Variants in AATK observed in about 807,000 individuals in gnomAD.
AATK encodes lemur tail kinase 1.
AATK carries 91 observed loss-of-function variants against 114.3 expected under a neutral mutation model. The ratio of observed to expected loss-of-function variants is 0.80; its 90% CI spans 0.67 to 0.95. The LOEUF is 0.95. AATK is among the 40% of genes least tolerant of loss of function. The probability of loss-of-function intolerance (pLI) is 0.00; values close to 1 mark genes in which losing one functional copy is unlikely to be tolerated. For synonymous variants in AATK, 1,075 were observed against 916.5 expected, an observed-to-expected ratio of 1.17 and a Z score of -3.12; for missense variants, 2,176 against 1,965.2, an observed-to-expected ratio of 1.11 and a Z score of -2.03.
intron 1 of AATK, among the ~76,000 whole-genome samples, chr17:81,143,275 G>A (rs529672829): frequency 2.0e-5 from 3 of 152,066 alleles, no homozygotes; most frequent in Non-Finnish European, 2.9e-5. Context: ...CAGCCTGTGC[G>A]GGACCCTGGA....
chr17:81,134,238 C>T, intron 2 of AATK, 130 bp downstream of exon 2: 2 of 1,299,128 alleles, frequency 1.5e-6, no homozygotes, highest in Non-Finnish European at 2.1e-6. Context: ...CCCAGGTGGC[C>T]CCACAGCAAC....
rs908673494 is a variant in AATK, at chr17:81,160,217, C to T, written c.55+5721G>A. Reference sequence around the variant, plus strand: ...GCAGTGGGAGCACAGCCCGCATCCTCCCAGAAACCCCCACGTACCAGGCTC... The same window carrying T: ...GCAGTGGGAGCACAGCCCGCATCCTTCCAGAAACCCCCACGTACCAGGCTC... On this transcript the variant is annotated intron_variant, in intron 1 of 13. Coordinates refer to ENST00000326724, the MANE Select transcript of AATK (RefSeq NM_001080395.3). The T allele has an allele frequency of 1.0e-5, 10 of 982,778 alleles. No homozygotes were observed. In the African/African-American group the frequency reaches 1.2e-4, roughly 12 times the overall value. 60.9% of individuals were successfully genotyped at this position (982,778 alleles called of 1,614,324 possible).
rs71166127 is a variant in AATK, at chr17:81,152,844, A to ATT, written c.55+13092_55+13093dup. On this transcript the variant is annotated intron_variant, in intron 1 of 13. Transcript: ENST00000326724. Reference sequence around the variant, plus strand: ...GCACCTTCAAAACCAGCCCTGCTGAATTTTTTTTTTTTTTTTGAGACCAAG... The same window carrying ATT: ...GCACCTTCAAAACCAGCCCTGCTGAATTTTTTTTTTTTTTTTTTGAGACCAAG... 2.3e-3 allele frequency among the ~76,000 whole-genome samples: 335 copies of ATT among 145,062 alleles called. 2 individuals carry two copies. The highest frequency in any genetic ancestry group is 8.5e-3 in the South Asian group (39 of 4,562).
At position 81,120,877 on chromosome 17, in the gene AATK, G is replaced by A; in HGVS notation, c.3059C>T (p.Ala1020Val). The A allele has an allele frequency of 1.3e-6, 2 of 1,579,044 alleles. No homozygotes were observed. Among genetic ancestry groups the A allele is most frequent in the Non-Finnish European group, 1.7e-6 (2 of 1,162,848 alleles). ...GPEKKCGGDR[A>V]PGPELGLPST... The stretch of plus-strand genomic sequence containing the variant: ...CGGCAGGCCCAGCTCTGGCCCGGGG[G>A]CTCGGTCCCCGCCGCACTTCTTCTC... The change falls in exon 11 of 14, where the codon GCC (alanine) becomes GTC (valine). Residue 1020 changes from alanine to valine, a missense_variant. This residue lies in a region of AATK where 1,701 missense variants were observed against 1,394.7 expected (regional missense o/e 1.22). Transcript: ENST00000326724.
intron 9 of AATK, 86 bp from the exon 10 acceptor site, chr17:81,123,429 A>G: frequency 8.2e-7 from 1 of 1,220,956 alleles, no homozygotes; most frequent in South Asian, 2.6e-5. Flanking sequence ...CGAATGGGGC[A>G]GCTCCCGCCA....
In AATK at chr17:81,119,541, G is replaced by A. The variant is rs745491826; in HGVS notation, c.3923C>T (p.Thr1308Met). 32 of 1,579,636 alleles carry A rather than the reference G, an allele frequency of 2.0e-5. No individual in the cohort carries two copies. The highest frequency in any genetic ancestry group is 9.2e-5 in the South Asian group (8 of 87,194). ...GGCCATGGCGAAGGCTGCCTTGGCC[G>A]TCATCAGCGGGAAGTCGTCGTCCCA... ...FAWDDDFPLM[T>M]AKAAFAMALD... The change falls in exon 13 of 14, where the codon ACG (threonine) becomes ATG (methionine). Residue 1308 changes from threonine (T) to methionine (M), a missense_variant. Transcript: ENST00000326724.
At chr17:81,165,572 A>C in intron 1 of AATK, 1 of 1,226,330 alleles carries the variant, frequency 8.2e-7, no homozygotes, top group Non-Finnish European at 1.1e-6. Context: ...AGGCCATGGA[A>C]AGCCTGAACC....
chr17:81,119,611 TCA>T, intron 12 of AATK, 31 bp from the exon 13 acceptor site: 3 of 1,535,530 alleles, frequency 2.0e-6, no homozygotes, highest in Non-Finnish European at 2.6e-6. Flanking sequence ...TCACTCGCGC[TCA>T]CAGCCTGGGA....
rs1278775178 is a variant in AATK, at chr17:81,122,059, TCCTCCGCTCCTC to T, written c.1865_1876del (p.Gly622_Glu625del). On this transcript the variant is annotated inframe_deletion, in exon 11 of 14. Coordinates refer to ENST00000326724, the MANE Select transcript of AATK (RefSeq NM_001080395.3). ...GAAGGCGGCCACGCCCCAGTCTGCA[TCCTCCGCTCCTC>T]CCTCCGCCAGACTCAGGGGCCCCGC... 31 of 1,592,556 alleles carry T rather than the reference TCCTCCGCTCCTC, an allele frequency of 1.9e-5. No individual in the cohort carries two copies. The highest frequency in any genetic ancestry group is 2.5e-5 in the Non-Finnish European group (30 of 1,176,738).
intron 1 of AATK, among the ~76,000 whole-genome samples, chr17:81,138,360 C>T (rs1264950486): frequency 6.6e-6 from 1 of 150,558 alleles, no homozygotes; most frequent in Non-Finnish European, 1.5e-5. Context: ...CCCACGCACA[C>T]ACACTCCCAT....
At chr17:81,128,812 T>TGGGATAGCCCGGCCA in intron 3 of AATK, 1 of 1,265,062 alleles carries the variant, frequency 7.9e-7, no homozygotes, top group Non-Finnish European at 1.0e-6. Context: ...CTGAAGCCAC[T>TGGGATAGCCCGGCCA]GGGATAGCCC....
chr17:81,164,452 G>A (rs1429727950), intron 1 of AATK, among the ~76,000 whole-genome samples: 1 of 152,222 alleles, frequency 6.6e-6, no homozygotes, highest in Non-Finnish European at 1.5e-5. Flanking sequence ...TTGCAGAGGA[G>A]AGACGCCCCT....
Position 81,118,461 on chromosome 17 carries a change from A to C in AATK, c.4085-19T>G. On this transcript the variant is annotated intron_variant, in intron 13 of 13. Transcript: ENST00000326724. ...TCAGGTCCTGGCAAGCAGGACAACA[A>C]AGTGAACACAGGGTTCTGAGACACC... The C allele has an allele frequency of 6.2e-7, 1 of 1,604,000 alleles. No homozygotes were observed. The highest frequency in any genetic ancestry group is 8.5e-7 in the Non-Finnish European group (1 of 1,176,198).
chr17:81,130,974 G>C (rs998331780), intron 3 of AATK, 87 bp downstream of exon 3: 1 of 1,463,432 alleles, frequency 6.8e-7, no homozygotes, highest in South Asian at 1.3e-5. Flanking sequence ...CTCCAGAGCT[G>C]AGTCTTCCGG....
chr17:81,158,781 C>T (rs543906775), intron 1 of AATK, among the ~76,000 whole-genome samples: 50 of 152,302 alleles, frequency 3.3e-4, no homozygotes, highest in Admixed American at 1.3e-3. Flanking sequence ...CACATGCTCA[C>T]GAGCCCGGGC....
In AATK at chr17:81,121,830, GC is replaced by G; in HGVS notation, c.2105del (p.Gly702AlafsTer143). The part of the protein sequence containing the change: ...CPESWDPVSA[G>X]GHAEGCPSPK... ...GACTGGGGCAGCCCTCAGCGTGGCC[GC>G]CCGCAGAGACGGGGTCCCAGGACTC... On this transcript the variant is annotated frameshift_variant, in exon 11 of 14. Coordinates refer to ENST00000326724, the MANE Select transcript of AATK (RefSeq NM_001080395.3). LOFTEE classifies it high-confidence loss of function. 1.9e-6 allele frequency: 3 copies of G among 1,591,230 alleles called. No individual in the cohort carries two copies. Among genetic ancestry groups the G allele is most frequent in the Non-Finnish European group, 2.6e-6 (3 of 1,175,686 alleles).
chr17:81,130,108 G>A (rs527954981), intron 3 of AATK, among the ~76,000 whole-genome samples: 2 of 152,368 alleles, frequency 1.3e-5, no homozygotes, highest in South Asian at 2.1e-4. Context: ...AGCCAGGCAC[G>A]GCTCAGAGCA....
chr17:81,166,119 G>A lies in AATK; in HGVS notation c.-127C>T, dbSNP rs2061488020. The stretch of plus-strand genomic sequence containing the variant: ...CGGAGCGCGCCGGCCCCCGCGCCCC[G>A]CGCCCCCCGCCGCAGCCGCAGAGCC... On this transcript the variant is annotated 5_prime_UTR_variant, in exon 1 of 14. Coordinates refer to ENST00000326724, the MANE Select transcript of AATK (RefSeq NM_001080395.3). 2 of 440,800 alleles carry A rather than the reference G, an allele frequency of 4.5e-6. No individual in the cohort carries two copies. The highest frequency in any genetic ancestry group is 1.8e-4 in the South Asian group (2 of 11,230). The allele number at this position is 440,800 out of a possible 1,614,324, so 27.3% of individuals were successfully genotyped here.
chr17:81,120,901 T>C lies in AATK; in HGVS notation c.3035A>G (p.Glu1012Gly). ...GGCTCGGTCCCCGCCGCACTTCTTC[T>C]CTGGGCCTGAGGTGGCCTCGGCCTC... is the stretch of plus-strand genomic sequence containing the variant. The part of the protein sequence containing the change: ...EAEAEATSGP[E>G]KKCGGDRAPG... Residue 1012 changes from glutamate to glycine, a missense_variant, in exon 11 of 14, where the codon GAG (glutamate) becomes GGG (glycine). Around this residue, in one of 4 missense-constraint regions of AATK, gnomAD observed 1,701 missense variants for 1,394.7 expected, o/e 1.22. Transcript: ENST00000326724. 1.3e-6 allele frequency: 2 copies of C among 1,593,606 alleles called. No individual in the cohort carries two copies. Among genetic ancestry groups the C allele is most frequent in the South Asian group, 2.3e-5 (2 of 88,048 alleles).
Sources: allele counts gnomAD v4.1 joint callset (sites outside exome capture counted in the v4.1 genomes callset), GRCh38; gene constraint gnomAD v4.1.1; regional missense constraint gnomAD v4.1.1; transcripts MANE v1.5; gene names NCBI Gene and HGNC (gene_info 2026-07-23, HGNC 2026-07-21).